Variants in WDR62 observed in about 807,000 individuals in gnomAD.
WDR62 encodes WD repeat-containing protein 62.
Under a neutral mutation model 160.6 loss-of-function variants are expected in WDR62, and 112 were observed. The ratio of observed to expected loss-of-function variants is 0.70; its 90% CI spans 0.60 to 0.82. The LOEUF (loss-of-function observed/expected upper bound fraction) is 0.82. WDR62 is among the 40% of genes least tolerant of loss of function. The pLI, the probability that WDR62 is intolerant of heterozygous loss-of-function variation, is 0.00. For missense variants in WDR62, 1,819 were observed against 1,983.8 expected (o/e 0.92, Z 1.58); for synonymous variants, 792 against 815.1 (o/e 0.97, Z 0.48).
At chr19:36,074,903 T>C (rs1971494887) in intron 9 of WDR62, among the ~76,000 whole-genome samples, 1 of 152,246 alleles carries the variant, frequency 6.6e-6, no homozygotes, top group Admixed American at 6.5e-5. Flanking sequence ...AATTTTATTA[T>C]GGGTGTCTTC....
At chr19:36,084,791 C>T (rs772687734) in intron 12 of WDR62, 47 bp downstream of exon 12, 4 of 1,576,414 alleles carry the variant, frequency 2.5e-6, no homozygotes, top group Non-Finnish European at 3.5e-6. Context: ...GGGAGGCAGC[C>T]CCCCTGGCAG....
At chr19:36,067,251 A>G in intron 5 of WDR62, 55 bp from the exon 6 acceptor site, 1 of 1,613,110 alleles carries the variant, frequency 6.2e-7, no homozygotes, top group Admixed American at 1.7e-5. Context: ...GCAAAGGCAC[A>G]AACAGTCCAG....
intron 1 of WDR62, among the ~76,000 whole-genome samples, chr19:36,058,548 G>GC (rs1229524668): frequency 6.6e-6 from 1 of 152,200 alleles, no homozygotes; most frequent in African/African-American, 2.4e-5. Flanking sequence ...TAGAATGTGA[G>GC]CCCCCCGAGG....
chr19:36,066,275 G>A lies in WDR62; in HGVS notation c.409G>A (p.Val137Met). ...VTGENGHRPA[V>M]RIWDVEEKNQ... ...TCCCTAGAATGGGCATAGGCCTGCT[G>A]TGCGCATCTGGGATGTGGAGGAGAA... The change falls in exon 5 of 32, where the codon GTG (valine) becomes ATG (methionine). Residue 137 changes from valine (V) to methionine (M), a missense_variant. Transcript: ENST00000401500. The A allele has an allele frequency of 6.2e-7, 1 of 1,614,214 alleles. No individual in the cohort carries two copies.
chr19:36,101,935 C>T (rs1198221454), intron 25 of WDR62, 79 bp from the exon 26 acceptor site: 1 of 1,606,006 alleles, frequency 6.2e-7, no homozygotes, highest in Non-Finnish European at 8.5e-7. Flanking sequence ...TGGGTGGGGC[C>T]CGCTTTCTCC....
chr19:36,091,046 T>G (rs1972569476), intron 16 of WDR62, among the ~76,000 whole-genome samples, 154 bp from the exon 17 acceptor site: 1 of 152,234 alleles, frequency 6.6e-6, no homozygotes, highest in African/African-American at 2.4e-5. Context: ...CTGCGGTGGT[T>G]GTTAATTTCT....
rs1343215888 is a variant in WDR62, at chr19:36,099,473, A to G, written c.2595A>G (p.Ala865=). Reference sequence around the variant, plus strand: ...GCTACCAGCCCCACGGCCGCTGGGCAGAGCGGGCCGGCCAAGAGCCCCTCA... The same window carrying G: ...GCTACCAGCCCCACGGCCGCTGGGCGGAGCGGGCCGGCCAAGAGCCCCTCA... The part of the protein sequence containing the change: ...KRSYQPHGRW[A]ERAGQEPLKT... Residue 865 remains alanine, a synonymous_variant, in exon 22 of 32, where the codon GCA becomes GCG. Transcript: ENST00000401500. 1.9e-6 allele frequency: 3 copies of G among 1,613,858 alleles called. No individual in the cohort carries two copies. The highest frequency in any genetic ancestry group is 2.5e-6 in the Non-Finnish European group (3 of 1,180,042).
rs556523184 is a variant in WDR62 at position 36,080,366 on chromosome 19, G to A, written c.1234-1067G>A. 8.6e-5 allele frequency among the ~76,000 whole-genome samples: 13 copies of A among 151,514 alleles called. No individual in the cohort carries two copies. In the South Asian group the frequency reaches 2.3e-3, roughly 27 times the overall value. ...CCTGACCTCGTGATCCTCCCGCCTC[G>A]GCCTCCCGAAGTGCTGGGATTACAG... is the stretch of plus-strand genomic sequence containing the variant. On this transcript the variant is annotated intron_variant, in intron 9 of 31. Coordinates refer to ENST00000401500, the MANE Select transcript of WDR62 (RefSeq NM_001083961.2).
chr19:36,101,572 A>T (rs373056430), intron 24 of WDR62, 92 bp from the exon 25 acceptor site: 1 of 1,007,926 alleles, frequency 9.9e-7, no homozygotes, highest in South Asian at 1.4e-5. Flanking sequence ...CCTCCTCCAG[A>T]TGGGGAAACT....
At chr19:36,089,601 C>A (rs773755100) in intron 15 of WDR62, among the ~76,000 whole-genome samples, 27 of 152,218 alleles carry the variant, frequency 1.8e-4, no homozygotes, top group Non-Finnish European at 3.5e-4. Context: ...GCCACCATGC[C>A]TAGCTAATTT....
rs570082039 is a variant in WDR62 at position 36,069,952 on chromosome 19, A to T, written c.883-1604A>T. On this transcript the variant is annotated intron_variant, in intron 7 of 31. Coordinates refer to ENST00000401500, the MANE Select transcript of WDR62 (RefSeq NM_001083961.2). ...CAGTGAGCCGAGAGGGCAGCAGTAC[A>T]GTCCAGCTTTGGCTCGGCATCAGAG... 2.0e-4 allele frequency among the ~76,000 whole-genome samples: 30 copies of T among 148,464 alleles called. No individual in the cohort carries two copies. In the East Asian group the frequency reaches 5.3e-3, roughly 26 times the overall value.
intron 9 of WDR62, among the ~76,000 whole-genome samples, chr19:36,080,809 C>T (rs1027107798): frequency 5.3e-5 from 8 of 152,068 alleles, no homozygotes; most frequent in African/African-American, 1.9e-4. Context: ...CTTTTTCAGC[C>T]CTGCTTGGTT....
At chr19:36,083,766 G>A (rs1354783855) in intron 11 of WDR62, among the ~76,000 whole-genome samples, 3 of 152,184 alleles carry the variant, frequency 2.0e-5, no homozygotes, top group Non-Finnish European at 4.4e-5. Context: ...GGGTATTGGA[G>A]CCACTGGGGA....
intron 8 of WDR62, among the ~76,000 whole-genome samples, chr19:36,072,566 T>C (rs1971354957): frequency 1.3e-5 from 2 of 152,070 alleles, no homozygotes; most frequent in South Asian, 2.1e-4. Flanking sequence ...TTTTATGGAA[T>C]TGGGGGCTAC....
At chr19:36,092,184 G>A (rs1262626874) in intron 18 of WDR62, among the ~76,000 whole-genome samples, 1 of 151,666 alleles carries the variant, frequency 6.6e-6, no homozygotes, top group East Asian at 1.9e-4. Context: ...GGTGGCAGGC[G>A]CCTGTAGTCC....
chr19:36,101,216 A>C lies in WDR62; in HGVS notation c.2870A>C (p.Gln957Pro). 6.2e-7 allele frequency: 1 copy of C among 1,611,990 alleles called. No individual in the cohort carries two copies. The highest frequency in any genetic ancestry group is 8.5e-7 in the Non-Finnish European group (1 of 1,179,366). The change falls in exon 24 of 32, where the codon CAG (glutamine) becomes CCG (proline). Residue 957 changes from glutamine (Q) to proline (P), a missense_variant and splice_region_variant. Transcript: ENST00000401500. ...CTCTGCCCCCACTGGCACTGCAGCC[A>C]GTATTGCAGGAAGGAGGTGGAGGCC... Reference protein sequence around the residue: ...AEVTVTGTDSQYCRKEVEAGP... With the variant: ...AEVTVTGTDSPYCRKEVEAGP...
intron 8 of WDR62, 55 bp from the exon 9 acceptor site, chr19:36,073,287 G>A: frequency 6.6e-7 from 1 of 1,525,662 alleles, no homozygotes; most frequent in Non-Finnish European, 9.1e-7. Flanking sequence ...ACTAGAGGTG[G>A]CTGTCACTAC....
intron 21 of WDR62, among the ~76,000 whole-genome samples, chr19:36,097,959 G>A (rs1208071004): frequency 6.6e-6 from 1 of 152,196 alleles, no homozygotes; most frequent in Non-Finnish European, 1.5e-5. Flanking sequence ...AGGCCTCATT[G>A]GGAAAATGAT....
Position 36,104,645 on chromosome 19 carries a change from C to A in WDR62, c.4281C>A (p.Thr1427=). The change falls in exon 31 of 32, where the codon ACC becomes ACA. Residue 1427 remains threonine (T), a synonymous_variant. Coordinates refer to ENST00000401500, the MANE Select transcript of WDR62 (RefSeq NM_001083961.2). The part of the protein sequence containing the change: ...VGNILHRLQT[T]FQEALDLYRV... ...ACATCTTGCACAGGCTGCAGACCAC[C>A]TTCCAAGAAGCCCTCGACCTTTACC... The A allele has an allele frequency of 6.2e-7, 1 of 1,614,140 alleles. No homozygotes were observed. Among genetic ancestry groups the A allele is most frequent in the Non-Finnish European group, 8.5e-7 (1 of 1,180,044 alleles).
Sources: allele counts gnomAD v4.1 joint callset (sites outside exome capture counted in the v4.1 genomes callset), GRCh38; gene constraint gnomAD v4.1.1; transcripts MANE v1.5; gene names NCBI Gene and HGNC (gene_info 2026-07-23, HGNC 2026-07-21).